ANAPC16: variants seen among roughly 807,000 people sequenced by gnomAD.
The protein encoded by ANAPC16 is anaphase promoting complex subunit 16, also known as anaphase-promoting complex subunit 16.
In ANAPC16, 6 loss-of-function variants were observed where a neutral mutation model predicts 13.1. That is an observed-to-expected ratio of 0.46 (90% CI 0.25 to 0.90). The LOEUF (loss-of-function observed/expected upper bound fraction) is 0.90, where lower values mean the gene tolerates loss of function less well. Among genes scored for constraint, ANAPC16 ranks in the 40% least tolerant of loss-of-function variants. ANAPC16 has a pLI of 0.18. For missense variants in ANAPC16, 113 were observed against 131.1 expected (o/e 0.86, Z 0.67); for synonymous variants, 55 against 51.3 (o/e 1.07, Z -0.31).
intron 1 of ANAPC16, among the ~76,000 whole-genome samples, chr10:72,222,288 C>T (rs1382440370): frequency 1.3e-5 from 2 of 151,612 alleles, no homozygotes; most frequent in Middle Eastern, 3.2e-3. Flanking sequence ...CGTGGTGGCA[C>T]GCGCCTGTAG....
At chr10:72,224,673 C>G (rs1474384638) in intron 2 of ANAPC16, among the ~76,000 whole-genome samples, 1 of 151,378 alleles carries the variant, frequency 6.6e-6, no homozygotes, top group African/African-American at 2.4e-5. Context: ...CCTCCTACTC[C>G]AGTTTGCTTT....
intron 2 of ANAPC16, among the ~76,000 whole-genome samples, chr10:72,224,555 A>G (rs1439345013): frequency 6.6e-6 from 1 of 150,898 alleles, no homozygotes; most frequent in East Asian, 2.0e-4. Flanking sequence ...AGAAGTTGCC[A>G]TGTGCCGAGA....
intron 1 of ANAPC16, 67 bp from the exon 2 acceptor site, chr10:72,223,821 G>T: frequency 7.9e-7 from 1 of 1,270,488 alleles, no homozygotes. Flanking sequence ...CCTTACAGCA[G>T]CTAGAATGAA....
chr10:72,230,230 A>G (rs1189515826), intron 2 of ANAPC16, 136 bp from the exon 3 acceptor site: 3 of 606,082 alleles, frequency 4.9e-6, no homozygotes, highest in Non-Finnish European at 8.8e-6. Flanking sequence ...TAAATGAAGC[A>G]GAACCCGTCT....
At chr10:72,222,574 T>G (rs533273421) in intron 1 of ANAPC16, among the ~76,000 whole-genome samples, 86 of 150,322 alleles carry the variant, frequency 5.7e-4, no homozygotes, top group African/African-American at 2.0e-3. Flanking sequence ...GTCAGGAGTT[T>G]GAGACCAGCA....
chr10:72,229,270 G>A (rs1860221717), intron 2 of ANAPC16, among the ~76,000 whole-genome samples: 1 of 145,272 alleles, frequency 6.9e-6, no homozygotes, highest in Non-Finnish European at 1.5e-5. Flanking sequence ...GATATTGGAA[G>A]GATGCCCTCT....
At chr10:72,220,582 C>A (rs569991892) in intron 1 of ANAPC16, among the ~76,000 whole-genome samples, 1 of 151,990 alleles carries the variant, frequency 6.6e-6, no homozygotes, top group East Asian at 1.9e-4. Flanking sequence ...ATTGCTTGAG[C>A]CCAGGAGATG....
chr10:72,220,279 A>C (rs1437416889), intron 1 of ANAPC16: 1 of 147,440 alleles, frequency 6.8e-6, no homozygotes, highest in African/African-American at 2.6e-5. Flanking sequence ...CTGTGAGCCG[A>C]GATCGCGCCA....
At chr10:72,219,316 G>A (rs1214302004) in intron 1 of ANAPC16, among the ~76,000 whole-genome samples, 1 of 152,158 alleles carries the variant, frequency 6.6e-6, no homozygotes, top group Non-Finnish European at 1.5e-5. Context: ...GCTGTATTTT[G>A]ACCCAGTGTA....
At chr10:72,224,936 G>A (rs979204622) in intron 2 of ANAPC16, among the ~76,000 whole-genome samples, 2 of 152,138 alleles carry the variant, frequency 1.3e-5, no homozygotes, top group Non-Finnish European at 2.9e-5. Flanking sequence ...GGCTGGCCAA[G>A]ATCAGGGTAC....
In ANAPC16 at chr10:72,233,207, G is replaced by A. The variant is rs2035462696; in HGVS notation, c.*91G>A. The A allele has an allele frequency of 2.2e-6, 2 of 920,872 alleles. No homozygotes were observed. The highest frequency in any genetic ancestry group is 1.6e-5 in the African/African-American group (1 of 60,924). The allele number at this position is 920,872 out of a possible 1,614,324, so 57.0% of individuals were successfully genotyped here. A position where few individuals can be genotyped will look rare whatever the true frequency, so the allele number is the denominator to read the frequency against. ...TTACATAGCCATCCAGAGATCCACA[G>A]CTACGTCACTGAATTGTTAATGCAC... On this transcript the variant is annotated 3_prime_UTR_variant, in exon 4 of 4. Coordinates refer to ENST00000299381, the MANE Select transcript of ANAPC16 (RefSeq NM_173473.4).
rs1229397875 is a variant in ANAPC16, at chr10:72,223,957, G to A, written c.43G>A (p.Gly15Arg). 1 of 1,611,436 alleles carries A rather than the reference G, an allele frequency of 6.2e-7. No individual in the cohort carries two copies. The highest frequency in any genetic ancestry group is 8.5e-7 in the Non-Finnish European group (1 of 1,178,022). ...SSSSSAGGVS[G>R]SSVTGSGFSV... ...ATCCTCCTCAGCTGGTGGGGTCAGT[G>A]GAAGTTCTGTCACTGGATCTGGTTT... is the stretch of plus-strand genomic sequence containing the variant. Residue 15 changes from glycine (G) to arginine (R), a missense_variant, in exon 2 of 4, where the codon GGA (glycine) becomes AGA (arginine). By Grantham distance (125) the Gly-to-Arg change is moderately radical. Coordinates refer to ENST00000299381, the MANE Select transcript of ANAPC16 (RefSeq NM_173473.4).
intron 2 of ANAPC16, among the ~76,000 whole-genome samples, chr10:72,225,233 A>G (rs979474401): frequency 3.3e-5 from 5 of 152,094 alleles, no homozygotes; most frequent in African/African-American, 7.2e-5. Flanking sequence ...TAGTGAGCCA[A>G]TATTGTGCCA....
intron 2 of ANAPC16, among the ~76,000 whole-genome samples, chr10:72,226,482 T>C (rs980462254): frequency 6.6e-6 from 1 of 151,988 alleles, no homozygotes; most frequent in East Asian, 1.9e-4. Flanking sequence ...GAGACCAGCC[T>C]GGGCAACATG....
rs926934166 is a variant in ANAPC16, at chr10:72,222,916, C to T, written c.-27-972C>T. ...TGTCATGTATTCAGTACAGTTTTCT[C>T]GTTAACATTTGCATTTTTTGGTATG... On this transcript the variant is annotated intron_variant, in intron 1 of 3. Coordinates refer to ENST00000299381, the MANE Select transcript of ANAPC16 (RefSeq NM_173473.4). Among the ~76,000 whole-genome samples the T allele has an allele frequency of 1.8e-4, 27 of 152,196 alleles. No homozygotes were observed. The South Asian group carries it at 2.3e-3, about 13-fold the overall frequency.
chr10:72,229,020 C>CT (rs1860210778), intron 2 of ANAPC16, among the ~76,000 whole-genome samples: 1 of 151,488 alleles, frequency 6.6e-6, no homozygotes, highest in Non-Finnish European at 1.5e-5. Flanking sequence ...GAGGTAAACT[C>CT]TAATTGTCTA....
intron 1 of ANAPC16, among the ~76,000 whole-genome samples, chr10:72,221,436 G>A (rs971270399): frequency 2.6e-5 from 4 of 151,796 alleles, no homozygotes; most frequent in Non-Finnish European, 4.4e-5. Context: ...GTTTATAGGT[G>A]CAACATGAAG....
intron 1 of ANAPC16, among the ~76,000 whole-genome samples, chr10:72,217,366 T>C (rs1859536580): frequency 6.6e-6 from 1 of 151,220 alleles, no homozygotes; most frequent in Admixed American, 6.6e-5. Flanking sequence ...TCCCAGCTAC[T>C]CGGGAGGCTG....
At chr10:72,221,198 T>C (rs1463247256) in intron 1 of ANAPC16, among the ~76,000 whole-genome samples, 10 of 152,172 alleles carry the variant, frequency 6.6e-5, no homozygotes, top group African/African-American at 1.9e-4. Context: ...TTACAGGCGT[T>C]AGCCACCAGC....
Sources: gnomAD v4.1 joint callset for allele counts (sites outside exome capture counted in the v4.1 genomes callset) on GRCh38, gnomAD v4.1.1 for gene constraint, MANE v1.5 for transcripts, NCBI Gene and HGNC (gene_info 2026-07-23, HGNC 2026-07-21) for gene names.